The following ABL1 variants were observed in gnomAD, a reference collection of about 807,000 sequenced individuals.
ABL1 encodes ABL proto-oncogene 1, non-receptor tyrosine kinase.
In ABL1, 11 loss-of-function variants were observed where a neutral mutation model predicts 94.7. That is an observed-to-expected ratio of 0.12 (90% CI 0.07 to 0.19). The LOEUF (loss-of-function observed/expected upper bound fraction) is 0.19, where lower values mean the gene tolerates loss of function less well. Among genes scored for constraint, ABL1 ranks in the 10% least tolerant of loss-of-function variants. The probability of loss-of-function intolerance (pLI) is 1.00; values close to 1 mark genes in which losing one functional copy is unlikely to be tolerated. For synonymous variants in ABL1, 656 were observed against 622.4 expected, an observed-to-expected ratio of 1.05 and a Z score of -0.80; for missense variants, 1,082 against 1,489.4, an observed-to-expected ratio of 0.73 and a Z score of 4.50.
rs1831315837 is a variant in ABL1 at position 130,874,962 on chromosome 9, A to G, written c.1180A>G (p.Thr394Ala). The change falls in exon 7 of 11, where the codon ACA (threonine) becomes GCA (alanine). Residue 394 changes from threonine (T) to alanine (A), a missense_variant. Around this residue, in one of 7 missense-constraint regions of ABL1, gnomAD observed 76 missense variants for 177.1 expected, o/e 0.43. Coordinates refer to ENST00000318560, the MANE Select transcript of ABL1 (RefSeq NM_005157.6). Reference protein sequence around the residue: ...LSRLMTGDTYTAHAGAKFPIK... With the variant: ...LSRLMTGDTYAAHAGAKFPIK... ...CAGGTTGATGACAGGGGACACCTAC[A>G]CAGCCCATGCTGGAGCCAAGTTCCC... 6.2e-7 allele frequency: 1 copy of G among 1,614,066 alleles called. No individual in the cohort carries two copies. The highest frequency in any genetic ancestry group is 8.5e-7 in the Non-Finnish European group (1 of 1,180,042).
chr9:130,867,849 T>TG (rs1831182262), intron 4 of ABL1, among the ~76,000 whole-genome samples: 1 of 151,826 alleles, frequency 6.6e-6, no homozygotes, highest in Non-Finnish European at 1.5e-5. Context: ...CTCTACGAGG[T>TG]GGTCTCTCCT....
rs1256351752 is a variant in ABL1, at chr9:130,877,155, G to A, written c.1271-1260G>A. Among the ~76,000 whole-genome samples, 3 of 147,866 alleles carry A rather than the reference G, an allele frequency of 2.0e-5. 1 individual carries two copies. Among genetic ancestry groups the A allele is most frequent in the African/African-American group, 7.8e-5 (3 of 38,594 alleles). ...TGATATTCAGATTGTCTCGTCTTTGGCCAGTGGGAACTTCACATTAGCTCC... is the reference window on the plus strand; with the variant it reads ...TGATATTCAGATTGTCTCGTCTTTGACCAGTGGGAACTTCACATTAGCTCC... On this transcript the variant is annotated intron_variant, in intron 7 of 10. Coordinates refer to ENST00000318560, the MANE Select transcript of ABL1 (RefSeq NM_005157.6).
Position 130,835,521 on chromosome 9 carries a change from G to A in ABL1, c.75G>A (p.Leu25=), listed in dbSNP as rs1830559562. 1.3e-6 allele frequency: 2 copies of A among 1,555,632 alleles called. No individual in the cohort carries two copies. Among genetic ancestry groups the A allele is most frequent in the African/African-American group, 2.7e-5 (2 of 73,730 alleles). ...TGTCCTCGTCCTCCAGCTGTTATCT[G>A]GAAGGTAAGCCCGGGCCGCACGGGT... ...KGLSSSSSCY[L]EEALQRPVAS... Residue 25 remains leucine (L), a synonymous_variant, in exon 1 of 11, where the codon CTG becomes CTA. Coordinates refer to ENST00000318560, the MANE Select transcript of ABL1 (RefSeq NM_005157.6). The surrounding 1 kb of genome is among the most constrained non-coding windows in gnomAD (Gnocchi z 4.6).
At chr9:130,748,668 C>T (rs1024420408) in intron 1 of ABL1, among the ~76,000 whole-genome samples, 2 of 152,014 alleles carry the variant, frequency 1.3e-5, no homozygotes, top group African/African-American at 2.4e-5. Context: ...CTTCGCCTCC[C>T]GGGTTCAAGC....
Position 130,732,149 on chromosome 9 carries a change from A to G in ABL1, c.136+17694A>G, listed in dbSNP as rs1588214329. Among the ~76,000 whole-genome samples the G allele has an allele frequency of 1.3e-5, 2 of 152,182 alleles. 1 individual carries two copies. Reference sequence around the variant, plus strand: ...CAGACTAGCTACTTAGTGAATACGCAGTTGAATCTACTTGTTTGGCAGGTT... The same window carrying G: ...CAGACTAGCTACTTAGTGAATACGCGGTTGAATCTACTTGTTTGGCAGGTT... On this transcript the variant is annotated intron_variant, in intron 1 of 10. Transcript: ENST00000372348.
chr9:130,796,046 G>A (rs889741039), intron 1 of ABL1, among the ~76,000 whole-genome samples: 22 of 152,250 alleles, frequency 1.4e-4, no homozygotes, highest in African/African-American at 4.6e-4. Context: ...GGTGGCATAT[G>A]CCTGTAATCC....
At position 130,886,393 on chromosome 9, in the gene ABL1, T is replaced by G. The variant is rs2133042665; in HGVS notation, c.*710T>G. 4.3e-6 allele frequency: 1 copy of G among 233,828 alleles called. No individual in the cohort carries two copies. 14.5% of individuals were successfully genotyped at this position (233,828 alleles called of 1,614,324 possible). Reference sequence around the variant, plus strand: ...GAAAAGGATCGAGGCATGGGGCATGTCCTTTCCATCTGTCCACATCCCCAG... The same window carrying G: ...GAAAAGGATCGAGGCATGGGGCATGGCCTTTCCATCTGTCCACATCCCCAG... On this transcript the variant is annotated 3_prime_UTR_variant, in exon 11 of 11. Transcript: ENST00000318560.
At chr9:130,831,236 C>T (rs1830491657), upstream of ABL1, among the ~76,000 whole-genome samples, 1 of 152,146 alleles carries the variant, frequency 6.6e-6, no homozygotes, top group Non-Finnish European at 1.5e-5. Flanking sequence ...TCACCTTGTC[C>T]TGGGGTCCCA....
rs1470582327 is a variant in ABL1 at position 130,814,644 on chromosome 9, G to C, written c.137-39420G>C. 6.6e-6 allele frequency among the ~76,000 whole-genome samples: 1 copy of C among 152,184 alleles called. No individual in the cohort carries two copies. The highest frequency in any genetic ancestry group is 2.1e-4 in the South Asian group (1 of 4,826). On this transcript the variant is annotated intron_variant, in intron 1 of 10. Coordinates refer to the ABL1 transcript ENST00000372348. This position sits in a 1 kb window ranked among gnomAD's most constrained non-coding sequence, Gnocchi z 4.4. ...TGTAATCCCAGCACTTTGGTAGGCC[G>C]AGGTGGGCGGATCACGAGGTCAGGA...
intron 1 of ABL1, among the ~76,000 whole-genome samples, chr9:130,787,512 C>T (rs1407047484): frequency 6.6e-6 from 1 of 152,162 alleles, no homozygotes; most frequent in East Asian, 1.9e-4. Flanking sequence ...AGATCTTTGC[C>T]TGGGTCCCGG....
intron 1 of ABL1, among the ~76,000 whole-genome samples, chr9:130,837,915 G>A (rs1292855984): frequency 6.6e-6 from 1 of 152,182 alleles, no homozygotes; most frequent in Non-Finnish European, 1.5e-5. Context: ...AGAATTGAAT[G>A]AGATCAAGTT....
At position 130,744,696 on chromosome 9, in the gene ABL1, C is replaced by CA. The variant is rs1293447753; in HGVS notation, c.136+30252dup. 4.9e-3 allele frequency among the ~76,000 whole-genome samples: 682 copies of CA among 140,592 alleles called. 5 individuals are homozygous for CA. The highest frequency in any genetic ancestry group is 0.016 in the African/African-American group (617 of 38,706). 92.2% of individuals were successfully genotyped at this position (140,592 alleles called of 152,430 possible). ...TGAAATGCCATCTCTACTAAAAATA[C>CA]AAAAAAAAAAATTAGCCGAGCGTAG... On this transcript the variant is annotated intron_variant, in intron 1 of 10. Transcript: ENST00000372348.
At chr9:130,740,219 G>A (rs1479789439) in intron 1 of ABL1, among the ~76,000 whole-genome samples, 1 of 152,208 alleles carries the variant, frequency 6.6e-6, no homozygotes, top group African/African-American at 2.4e-5. Context: ...CATTCACAAT[G>A]TGGTTATTAA....
Position 130,854,874 on chromosome 9 carries a change from C to G in ABL1, c.327C>G (p.Gly109=), listed in dbSNP as rs752248660. ...AAGCCCAAACCAAAAATGGCCAAGGCTGGGTCCCAAGCAACTACATCACGC... is the reference window on the plus strand; with the variant it reads ...AAGCCCAAACCAAAAATGGCCAAGGGTGGGTCCCAAGCAACTACATCACGC... ...WCEAQTKNGQ[G]WVPSNYITPV... Residue 109 remains glycine, a synonymous_variant, in exon 3 of 11, where the codon GGC becomes GGG. Transcript: ENST00000318560. The G allele has an allele frequency of 3.1e-6, 5 of 1,614,202 alleles. No individual in the cohort carries two copies. The highest frequency in any genetic ancestry group is 4.2e-6 in the Non-Finnish European group (5 of 1,180,044).
intron 4 of ABL1, among the ~76,000 whole-genome samples, chr9:130,867,434 C>T (rs1054354656): frequency 1.3e-5 from 2 of 152,150 alleles, no homozygotes; most frequent in Non-Finnish European, 2.9e-5. Context: ...ACAGTGATTC[C>T]CCTCATTTGC....
chr9:130,857,672 C>T (rs2132963219), intron 3 of ABL1, among the ~76,000 whole-genome samples: 1 of 151,654 alleles, frequency 6.6e-6, no homozygotes, highest in South Asian at 2.1e-4. Context: ...TTCACTTGTA[C>T]CATATGAACA....
At chr9:130,867,129 T>A (rs1018684578) in intron 4 of ABL1, among the ~76,000 whole-genome samples, 3 of 152,242 alleles carry the variant, frequency 2.0e-5, no homozygotes, top group Non-Finnish European at 2.9e-5. Context: ...ACTGACAAAT[T>A]TACTACTTAA....
chr9:130,726,585 C>T (rs1026065571), intron 1 of ABL1, among the ~76,000 whole-genome samples: 1 of 152,002 alleles, frequency 6.6e-6, no homozygotes, highest in African/African-American at 2.4e-5. Flanking sequence ...TGTTAACTTT[C>T]TCAATTGTTT....
intron 1 of ABL1, among the ~76,000 whole-genome samples, chr9:130,807,401 G>C (rs1285105640): frequency 6.6e-6 from 1 of 151,494 alleles, no homozygotes; most frequent in African/African-American, 2.4e-5. Context: ...CACCATGCTT[G>C]ACTAATTTTT....
Sources: gnomAD v4.1 joint callset for allele counts (sites outside exome capture counted in the v4.1 genomes callset) on GRCh38, gnomAD v4.1.1 for gene constraint, gnomAD v4.1.1 regional missense constraint, Gnocchi (gnomAD v3.1) non-coding constraint, MANE v1.5 for transcripts, NCBI Gene and HGNC (gene_info 2026-07-23, HGNC 2026-07-21) for gene names.